GALNTL6: variants seen among roughly 807,000 people sequenced by gnomAD.
GALNTL6 encodes polypeptide N-acetylgalactosaminyltransferase like 6, also known as polypeptide N-acetylgalactosaminyltransferase-like 6.
A neutral mutation model predicts 73.7 loss-of-function variants in GALNTL6; 46 were observed. The ratio of observed to expected loss-of-function variants is 0.62; its 90% CI spans 0.49 to 0.80. The LOEUF is 0.80. GALNTL6 is among the 30% of genes least tolerant of loss of function. The pLI is 0.00. For synonymous variants in GALNTL6, 259 were observed against 263.7 expected (o/e 0.98, Z 0.17); for missense variants, 604 against 755.0 (o/e 0.80, Z 2.34).
chr4:172,542,091 G>A (rs958776891), intron 5 of GALNTL6, among the ~76,000 whole-genome samples: 5 of 151,666 alleles, frequency 3.3e-5, no homozygotes, highest in African/African-American at 1.2e-4. Flanking sequence ...ACAGGGAGAA[G>A]AGAAGAGAAA....
chr4:172,700,058 A>T (rs1042232925), intron 5 of GALNTL6, among the ~76,000 whole-genome samples: 1 of 152,160 alleles, frequency 6.6e-6, no homozygotes, highest in African/African-American at 2.4e-5. Context: ...AATTAGAGAA[A>T]TTCTGAAAGT....
chr4:171,876,200 T>A (rs1736273284), intron 2 of GALNTL6, among the ~76,000 whole-genome samples: 1 of 141,318 alleles, frequency 7.1e-6, no homozygotes, highest in African/African-American at 2.5e-5. Flanking sequence ...TACTGATGAA[T>A]CATGTGCTAT....
chr4:172,097,408 T>C (rs543711875), intron 2 of GALNTL6, among the ~76,000 whole-genome samples: 143 of 152,210 alleles, frequency 9.4e-4, no homozygotes, highest in African/African-American at 3.3e-3. Context: ...TGAGGTTGGA[T>C]AGATAACAGA....
chr4:172,585,827 C>A (rs1172039809), intron 5 of GALNTL6, among the ~76,000 whole-genome samples: 1 of 151,960 alleles, frequency 6.6e-6, no homozygotes, highest in Non-Finnish European at 1.5e-5. Flanking sequence ...AAACAAAGAA[C>A]CCCATCAAAA....
rs546993384 is a variant in GALNTL6, at chr4:172,586,437, A to G, written c.554-222924A>G. Among the ~76,000 whole-genome samples, 11 of 151,902 alleles carry G rather than the reference A, an allele frequency of 7.2e-5. No individual in the cohort carries two copies. The South Asian group carries it at 2.1e-3, about 29-fold the overall frequency. On this transcript the variant is annotated intron_variant, in intron 5 of 12. Transcript: ENST00000506823. ...CAAGACAGTTTATGATTTATTGCCA[A>G]TGAAATACTTACCAACAGTAGTTGC...
chr4:172,538,331 G>T (rs1225391710), intron 5 of GALNTL6, among the ~76,000 whole-genome samples: 1 of 152,018 alleles, frequency 6.6e-6, no homozygotes, highest in Non-Finnish European at 1.5e-5. Flanking sequence ...CGTGGTGGCG[G>T]TGCCTGTAGT....
At chr4:171,901,330 T>C (rs1737088656) in intron 2 of GALNTL6, among the ~76,000 whole-genome samples, 1 of 152,144 alleles carries the variant, frequency 6.6e-6, no homozygotes, top group Admixed American at 6.5e-5. Context: ...AGCTGGGCAT[T>C]AGAAGCCCCC....
chr4:172,841,733 A>G, intron 7 of GALNTL6, among the ~76,000 whole-genome samples: 1 of 152,048 alleles, frequency 6.6e-6, no homozygotes, highest in East Asian at 1.9e-4. Context: ...GGGGGAAACC[A>G]CCTCCATAAT....
chr4:172,706,496 T>C (rs1054640035), intron 5 of GALNTL6, among the ~76,000 whole-genome samples: 1 of 152,106 alleles, frequency 6.6e-6, no homozygotes, highest in African/African-American at 2.4e-5. Context: ...TGGTTCTCTA[T>C]CCACTCTTGT....
At chr4:173,023,869 G>A (rs1231482017) in intron 12 of GALNTL6, among the ~76,000 whole-genome samples, 1 of 151,834 alleles carries the variant, frequency 6.6e-6, no homozygotes, top group Non-Finnish European at 1.5e-5. Flanking sequence ...GCCTGTGTGT[G>A]GTGCAATAAA....
chr4:172,676,432 G>A (rs773997341), intron 5 of GALNTL6, among the ~76,000 whole-genome samples: 3 of 152,158 alleles, frequency 2.0e-5, no homozygotes, highest in Non-Finnish European at 4.4e-5. Context: ...TGTGAAAATA[G>A]ACGTCTATTC....
intron 5 of GALNTL6, among the ~76,000 whole-genome samples, chr4:172,366,952 A>G (rs1742588271): frequency 6.6e-6 from 1 of 152,196 alleles, no homozygotes; most frequent in African/African-American, 2.4e-5. Context: ...TCAATTGTGT[A>G]TTTTTCTTGT....
At chr4:172,622,865 A>G (rs1391327478) in intron 5 of GALNTL6, among the ~76,000 whole-genome samples, 1 of 152,124 alleles carries the variant, frequency 6.6e-6, no homozygotes, top group African/African-American at 2.4e-5. Context: ...ATAATTGACA[A>G]AGCGTTTAAG....
chr4:172,574,040 C>T (rs893227489), intron 5 of GALNTL6, among the ~76,000 whole-genome samples: 2 of 152,064 alleles, frequency 1.3e-5, no homozygotes, highest in African/African-American at 2.4e-5. Context: ...CAACCCTAAC[C>T]GCAACTGGCT....
At chr4:172,455,091 T>C (rs998120357) in intron 5 of GALNTL6, among the ~76,000 whole-genome samples, 1 of 152,122 alleles carries the variant, frequency 6.6e-6, no homozygotes, top group African/African-American at 2.4e-5. Context: ...GGGCATCACC[T>C]CACCCAGGAA....
chr4:173,003,856 G>A (rs1561080609), intron 10 of GALNTL6, among the ~76,000 whole-genome samples: 1 of 152,132 alleles, frequency 6.6e-6, no homozygotes, highest in Non-Finnish European at 1.5e-5. Context: ...ATCTCACCCA[G>A]AACGGTCATT....
intron 2 of GALNTL6, among the ~76,000 whole-genome samples, chr4:171,882,352 CTATTG>C (rs1451407241): frequency 6.6e-6 from 1 of 152,164 alleles, no homozygotes; most frequent in African/African-American, 2.4e-5. Context: ...AGTGAATAAA[CTATTG>C]TATTAGGGTT....
rs574856602 is a variant in GALNTL6, at chr4:172,025,992, T to A, written c.139-203664T>A. Among the ~76,000 whole-genome samples, 5 of 152,178 alleles carry A rather than the reference T, an allele frequency of 3.3e-5. No homozygotes were observed. The East Asian group carries it at 9.7e-4, about 29-fold the overall frequency. ...TAAAAATTTTCAGAGTCAAACAGAA[T>A]GAGTGAGAACATCATTATATTTAAA... is the stretch of plus-strand genomic sequence containing the variant. On this transcript the variant is annotated intron_variant, in intron 2 of 12. Transcript: ENST00000506823.
chr4:172,182,542 A>G lies in GALNTL6; in HGVS notation c.139-47114A>G, dbSNP rs201292769. 3.7e-4 allele frequency among the ~76,000 whole-genome samples: 44 copies of G among 118,618 alleles called. No individual in the cohort carries two copies. In the East Asian group the frequency reaches 0.011, roughly 29 times the overall value. 77.8% of individuals were successfully genotyped at this position (118,618 alleles called of 152,430 possible). ...AAATACATAATTTAAATAATTCCCAATGAAAAATACCAAAAAAAAAAAAAA... is the reference window on the plus strand; with the variant it reads ...AAATACATAATTTAAATAATTCCCAGTGAAAAATACCAAAAAAAAAAAAAA... On this transcript the variant is annotated intron_variant, in intron 2 of 12. Coordinates refer to ENST00000506823, the MANE Select transcript of GALNTL6 (RefSeq NM_001034845.3).
Sources: gnomAD v4.1 joint callset for allele counts (sites outside exome capture counted in the v4.1 genomes callset) on GRCh38, gnomAD v4.1.1 for gene constraint, MANE v1.5 for transcripts, NCBI Gene and HGNC (gene_info 2026-07-23, HGNC 2026-07-21) for gene names.